SASH1: variants seen among roughly 807,000 people sequenced by gnomAD.
The protein encoded by SASH1 is SAM and SH3 domain-containing protein 1.
In SASH1, 44 loss-of-function variants were observed where a neutral mutation model predicts 125.2. The ratio of observed to expected loss-of-function variants is 0.35; its 90% CI spans 0.28 to 0.45. SASH1 has a LOEUF of 0.45. Among genes scored for constraint, SASH1 ranks in the 20% least tolerant of loss-of-function variants. The probability of loss-of-function intolerance (pLI) is 1.00; values close to 1 mark genes in which losing one functional copy is unlikely to be tolerated. For missense variants in SASH1, 1,426 were observed against 1,614.5 expected (o/e 0.88, Z 2.00); for synonymous variants, 639 against 649.1 (o/e 0.98, Z 0.24).
At chr6:148,470,377 G>A (rs1045506692) in intron 5 of SASH1, among the ~76,000 whole-genome samples, 22 of 152,330 alleles carry the variant, frequency 1.4e-4, no homozygotes, top group Middle Eastern at 3.4e-3. Context: ...GTCTAGACTG[G>A]GGAAACCCAT....
chr6:148,527,988 T>TTGGGG (rs1562485908), intron 12 of SASH1, among the ~76,000 whole-genome samples: 1 of 115,160 alleles, frequency 8.7e-6, no homozygotes, highest in Non-Finnish European at 1.8e-5. Context: ...TTTTTTTTTT[T>TTGGGG]GGGGGGGGGG....
intron 2 of SASH1, among the ~76,000 whole-genome samples, chr6:148,417,500 G>A (rs1235374496): frequency 3.3e-5 from 5 of 152,072 alleles, no homozygotes; most frequent in South Asian, 2.1e-4. Flanking sequence ...CAGGAGAATC[G>A]CTTGAACCTA....
chr6:148,426,537 A>G (rs993534085), intron 2 of SASH1, among the ~76,000 whole-genome samples: 11 of 152,146 alleles, frequency 7.2e-5, no homozygotes, highest in Non-Finnish European at 1.0e-4. Context: ...AGAGTTACCC[A>G]GATGTCATGT....
Position 148,476,497 on chromosome 6 carries a change from C to T in SASH1, c.627+2275C>T, listed in dbSNP as rs985995666. Among the ~76,000 whole-genome samples, 10 of 152,112 alleles carry T rather than the reference C, an allele frequency of 6.6e-5. No individual in the cohort carries two copies. The South Asian group carries it at 8.3e-4, about 13-fold the overall frequency. Reference sequence around the variant, plus strand: ...AGGAGTTCGGGACCAACCTGGCCAACATGGTGAAACCCCGTCTCCACTAAA... The same window carrying T: ...AGGAGTTCGGGACCAACCTGGCCAATATGGTGAAACCCCGTCTCCACTAAA... On this transcript the variant is annotated intron_variant, in intron 7 of 19. Coordinates refer to ENST00000367467, the MANE Select transcript of SASH1 (RefSeq NM_015278.5).
chr6:148,244,904 A>ATG, the SASH1 span, among the ~76,000 whole-genome samples: 17,585 of 118,598 alleles, frequency 0.15, 1,228 homozygotes, highest in African/African-American at 0.21. Flanking sequence ...GGCCTGGGGC[A>ATG]TGTGTGTGTG....
chr6:148,487,620 G>A lies in SASH1; in HGVS notation c.634G>A (p.Glu212Lys), dbSNP rs1778934407. The change falls in exon 8 of 20, where the codon GAA (glutamate) becomes AAA (lysine). Residue 212 changes from glutamate to lysine, a missense_variant. Physicochemically the swap from Glu to Lys is moderately conservative, Grantham distance 56 (BLOSUM62 1). Coordinates refer to ENST00000367467, the MANE Select transcript of SASH1 (RefSeq NM_015278.5). ...TIEEALARLK[E>K]YEAQHRQSAA... ...CCATTTCTTCTTGTTACAGCTCAAG[G>A]AATACGAGGCCCAGCACCGGCAGTC... The A allele has an allele frequency of 1.2e-6, 2 of 1,612,376 alleles. No individual in the cohort carries two copies. Among genetic ancestry groups the A allele is most frequent in the Admixed American group, 1.7e-5 (1 of 59,904 alleles).
At chr6:148,416,957 T>C (rs1221393762) in intron 2 of SASH1, among the ~76,000 whole-genome samples, 1 of 152,076 alleles carries the variant, frequency 6.6e-6, no homozygotes, top group Non-Finnish European at 1.5e-5. Flanking sequence ...AAGCAGCAGG[T>C]GATGGGGACC....
the SASH1 span, among the ~76,000 whole-genome samples, chr6:148,205,820 A>G: frequency 6.6e-6 from 1 of 152,208 alleles, no homozygotes; most frequent in Admixed American, 6.5e-5. Flanking sequence ...TTAGCAGATA[A>G]GCACACATGG....
chr6:148,431,443 C>T (rs565073441), intron 2 of SASH1, among the ~76,000 whole-genome samples: 1 of 152,212 alleles, frequency 6.6e-6, no homozygotes, highest in Non-Finnish European at 1.5e-5. Flanking sequence ...AGATGATCCA[C>T]CCACCTCAAC....
At chr6:148,500,625 T>A (rs1345747172) in intron 8 of SASH1, among the ~76,000 whole-genome samples, 3 of 152,216 alleles carry the variant, frequency 2.0e-5, no homozygotes, top group Non-Finnish European at 4.4e-5. Flanking sequence ...ATTCTGTGGA[T>A]TCCTGCCAGC....
chr6:148,540,632 G>A (rs776245696), intron 17 of SASH1, 76 bp downstream of exon 17: 190 of 1,076,544 alleles, frequency 1.8e-4, no homozygotes, highest in Middle Eastern at 8.0e-4. Flanking sequence ...GCAAAAGGAC[G>A]ATTCTATTCC....
chr6:148,482,480 T>C (rs190673008), intron 7 of SASH1, among the ~76,000 whole-genome samples: 146 of 152,216 alleles, frequency 9.6e-4, no homozygotes, highest in Admixed American at 2.0e-3. Flanking sequence ...CAAAGAGCAC[T>C]TAATGTTTGT....
chr6:148,548,778 A>C lies in SASH1; in HGVS notation c.*220A>C. 2.1e-6 allele frequency: 1 copy of C among 479,026 alleles called. No homozygotes were observed. Among genetic ancestry groups the C allele is most frequent in the Non-Finnish European group, 3.6e-6 (1 of 275,390 alleles). The allele number at this position is 479,026 out of a possible 1,614,324, so 29.7% of individuals were successfully genotyped here. ...TTAGTGCGGTTCTCTTTGACCCCCA[A>C]AGACAAGACAAGCACTTATTTTTAT... On this transcript the variant is annotated 3_prime_UTR_variant, in exon 20 of 20. Coordinates refer to ENST00000367467, the MANE Select transcript of SASH1 (RefSeq NM_015278.5).
chr6:148,344,888 T>C (rs547870365), intron 1 of SASH1, among the ~76,000 whole-genome samples: 141 of 152,184 alleles, frequency 9.3e-4, no homozygotes, highest in African/African-American at 3.2e-3. Context: ...CCTGAGTAGC[T>C]GGGATTACAG....
Position 148,510,060 on chromosome 6 carries a change from A to G in SASH1, c.730-4264A>G, listed in dbSNP as rs572580696. On this transcript the variant is annotated intron_variant, in intron 8 of 19. Transcript: ENST00000367467. ...ATAGTTTTGTGTCTTGGCTTGGTCA[A>G]TTTGTTATGGTTTAAAACTGTGGAG... 2.0e-5 allele frequency among the ~76,000 whole-genome samples: 3 copies of G among 152,310 alleles called. No homozygotes were observed. The South Asian group carries it at 6.2e-4, about 32-fold the overall frequency.
chr6:148,350,077 C>A (rs553366474), intron 1 of SASH1, among the ~76,000 whole-genome samples: 1 of 151,794 alleles, frequency 6.6e-6, no homozygotes, highest in Non-Finnish European at 1.5e-5. Context: ...GATCTCCTGA[C>A]CTCGTGATCC....
At chr6:148,203,513 A>G in the SASH1 span, among the ~76,000 whole-genome samples, 3 of 152,176 alleles carry the variant, frequency 2.0e-5, no homozygotes, top group Non-Finnish European at 2.9e-5. Flanking sequence ...ATTTTTGCAT[A>G]TACAGACTGA....
the SASH1 span, among the ~76,000 whole-genome samples, chr6:148,212,037 GTTC>G: frequency 6.6e-6 from 1 of 152,198 alleles, no homozygotes; most frequent in Admixed American, 6.5e-5. Flanking sequence ...GGAAAAGAGT[GTTC>G]TTCTAGCCAG....
At position 148,387,599 on chromosome 6, in the gene SASH1, T is replaced by TTC. The variant is rs1783464961; in HGVS notation, c.157-2535_157-2534insTC. On this transcript the variant is annotated intron_variant, in intron 1 of 19. Coordinates refer to ENST00000367467, the MANE Select transcript of SASH1 (RefSeq NM_015278.5). ...TTCTTTCTTTCTTTCTTTCTTTCTT[T>TTC]CTTTCTTTCTTTCTTTCTTTCTTTC... Among the ~76,000 whole-genome samples the TTC allele has an allele frequency of 1.4e-4, 2 of 14,602 alleles. 1 individual carries two copies. Among genetic ancestry groups the TTC allele is most frequent in the Non-Finnish European group, 2.5e-4 (2 of 7,994 alleles). The allele number at this position is 14,602 out of a possible 152,430, so 9.6% of individuals were successfully genotyped here. A position where few individuals can be genotyped will look rare whatever the true frequency, so the allele number is the denominator to read the frequency against.
Sources: gnomAD v4.1 joint callset for allele counts (sites outside exome capture counted in the v4.1 genomes callset) on GRCh38, gnomAD v4.1.1 for gene constraint, MANE v1.5 for transcripts, NCBI Gene and HGNC (gene_info 2026-07-23, HGNC 2026-07-21) for gene names.